The following FKTN variants were observed in gnomAD, a reference collection of about 807,000 sequenced individuals.
FKTN encodes the protein fukutin.
In FKTN, 47 loss-of-function variants were observed where a neutral mutation model predicts 58.6. The observed-to-expected ratio is 0.80, with a 90% CI of 0.63 to 1.02. The LOEUF (loss-of-function observed/expected upper bound fraction) is 1.02, where lower values mean the gene tolerates loss of function less well. Ranked by LOEUF, FKTN falls within the 50% of genes least tolerant of loss-of-function variation. FKTN has a pLI of 0.00. For missense variants in FKTN, 516 were observed against 537.3 expected, an observed-to-expected ratio of 0.96 and a Z score of 0.39; for synonymous variants, 178 against 191.9, an observed-to-expected ratio of 0.93 and a Z score of 0.60.
At chr9:105,584,376 A>G (rs1367074574) in intron 3 of FKTN, among the ~76,000 whole-genome samples, 2 of 152,136 alleles carry the variant, frequency 1.3e-5, no homozygotes, top group African/African-American at 2.4e-5. Context: ...CAGAAGTGGT[A>G]TGTAATTAAA....
intron 3 of FKTN, among the ~76,000 whole-genome samples, chr9:105,593,789 G>A (rs1845333796): frequency 6.6e-6 from 1 of 152,108 alleles, no homozygotes; most frequent in African/African-American, 2.4e-5. Flanking sequence ...AACAATTCTT[G>A]GTATATCAAA....
intron 6 of FKTN, among the ~76,000 whole-genome samples, chr9:105,606,583 A>G (rs940240175): frequency 7.9e-5 from 12 of 151,652 alleles, no homozygotes; most frequent in African/African-American, 2.9e-4. Context: ...AAGGATTTTC[A>G]CATTAAAAAC....
At chr9:105,598,090 G>C in intron 4 of FKTN, 1 of 462,624 alleles carries the variant, frequency 2.2e-6, no homozygotes, top group Non-Finnish European at 4.5e-6. Context: ...TTCAAGAAAT[G>C]ATCCTTGAGG....
intron 7 of FKTN, among the ~76,000 whole-genome samples, chr9:105,611,681 C>G (rs766873162): frequency 2.0e-5 from 3 of 152,096 alleles, no homozygotes; most frequent in South Asian, 2.1e-4. Flanking sequence ...TGATCTTGTT[C>G]TTTTTTATGG....
At chr9:105,624,782 A>T (rs917161080) in intron 10 of FKTN, among the ~76,000 whole-genome samples, 1 of 152,090 alleles carries the variant, frequency 6.6e-6, no homozygotes, top group Admixed American at 6.6e-5. Flanking sequence ...ATGTCTTGTT[A>T]TAGGTGTTTG....
intron 3 of FKTN, among the ~76,000 whole-genome samples, chr9:105,591,598 C>G (rs949650153): frequency 5.9e-5 from 9 of 152,176 alleles, no homozygotes; most frequent in African/African-American, 2.2e-4. Context: ...CACAACTGCT[C>G]TCATGGGCTG....
chr9:105,615,377 C>T lies in FKTN; in HGVS notation c.880C>T (p.Pro294Ser), dbSNP rs1356938119. The change falls in exon 8 of 11, where the codon CCA (proline) becomes TCA (serine). Residue 294 changes from proline (P) to serine (S), a missense_variant. Coordinates refer to ENST00000357998, the MANE Select transcript of FKTN (RefSeq NM_001079802.2). ...GAAAACATTAAACAAATTGGGAGTACCATTCTGGCTGAGCAGTGGAACTTG... is the reference window on the plus strand; with the variant it reads ...GAAAACATTAAACAAATTGGGAGTATCATTCTGGCTGAGCAGTGGAACTTG... Reference protein sequence around the residue: ...AAKTLNKLGVPFWLSSGTCLG... With the variant: ...AAKTLNKLGVSFWLSSGTCLG... 1 of 1,613,946 alleles carries T rather than the reference C, an allele frequency of 6.2e-7. No individual in the cohort carries two copies. The highest frequency in any genetic ancestry group is 1.1e-5 in the South Asian group (1 of 91,074).
intron 10 of FKTN, among the ~76,000 whole-genome samples, chr9:105,630,456 A>G (rs922981399): frequency 6.6e-6 from 1 of 152,194 alleles, no homozygotes; most frequent in African/African-American, 2.4e-5. Flanking sequence ...TTTCCCTACC[A>G]GAGTATACTA....
rs193137843 is a variant in FKTN, at chr9:105,617,539, A to G, written c.911-420A>G. On this transcript the variant is annotated intron_variant, in intron 8 of 10. Transcript: ENST00000357998. ...TAGAGATTAATGATTAAACATTCTT[A>G]TCAGCAACTTAGTGTTATTAAAGCT... Among the ~76,000 whole-genome samples the G allele has an allele frequency of 7.2e-5, 11 of 152,334 alleles. No individual in the cohort carries two copies. The South Asian group carries it at 8.3e-4, about 11-fold the overall frequency.
intron 9 of FKTN, among the ~76,000 whole-genome samples, chr9:105,619,680 A>G (rs1831503774): frequency 1.3e-5 from 2 of 152,148 alleles, no homozygotes; most frequent in Non-Finnish European, 2.9e-5. Flanking sequence ...GATAATTACC[A>G]TAAGTCATTT....
intron 3 of FKTN, 96 bp downstream of exon 3, chr9:105,575,233 G>A: frequency 1.3e-6 from 1 of 787,510 alleles, no homozygotes; most frequent in Non-Finnish European, 2.2e-6. Flanking sequence ...TTAATCATGG[G>A]TATTCAAATT....
intron 3 of FKTN, among the ~76,000 whole-genome samples, chr9:105,594,313 G>A (rs1258113121): frequency 6.6e-6 from 1 of 152,164 alleles, no homozygotes; most frequent in Non-Finnish European, 1.5e-5. Flanking sequence ...GAAATAGAAA[G>A]CAATGCCATA....
intron 10 of FKTN, among the ~76,000 whole-genome samples, chr9:105,628,550 A>T (rs1372507654): frequency 1.3e-5 from 2 of 152,184 alleles, no homozygotes; most frequent in East Asian, 3.8e-4. Flanking sequence ...TAATTCTATA[A>T]GATATTATAT....
chr9:105,594,236 T>G (rs1401173458), intron 3 of FKTN, among the ~76,000 whole-genome samples: 1 of 152,186 alleles, frequency 6.6e-6, no homozygotes. Flanking sequence ...ATATAATTCT[T>G]GTACAGTAGG....
chr9:105,575,399 T>A (rs184068992), intron 3 of FKTN, among the ~76,000 whole-genome samples: 1 of 152,344 alleles, frequency 6.6e-6, no homozygotes, highest in East Asian at 1.9e-4. Flanking sequence ...AAACAGATTA[T>A]CCTTCATTTA....
At chr9:105,633,393 G>A (rs1255749082) in intron 10 of FKTN, 1 of 152,108 alleles carries the variant, frequency 6.6e-6, no homozygotes, top group Non-Finnish European at 1.5e-5. Flanking sequence ...ACTTAGAGGA[G>A]TTTCCTGGCC....
chr9:105,574,958 CT>C lies in FKTN; in HGVS notation c.-73del. ...TTTTGTTCACAGAAAACAAAATTAT[CT>C]TCCTTTCCAAATCCAAAAAGATGAA... On this transcript the variant is annotated 5_prime_UTR_variant, in exon 3 of 11. Coordinates refer to ENST00000357998, the MANE Select transcript of FKTN (RefSeq NM_001079802.2). The C allele has an allele frequency of 2.3e-6, 2 of 857,912 alleles. No individual in the cohort carries two copies. The highest frequency in any genetic ancestry group is 4.0e-6 in the Non-Finnish European group (2 of 493,952). The allele number at this position is 857,912 out of a possible 1,614,324, so 53.1% of individuals were successfully genotyped here.
At chr9:105,570,306 G>A (rs1160843087) in intron 1 of FKTN, among the ~76,000 whole-genome samples, 2 of 152,110 alleles carry the variant, frequency 1.3e-5, no homozygotes, top group Admixed American at 1.3e-4. Context: ...TTTTAGGCTG[G>A]TGGGGAAGAT....
chr9:105,589,485 G>C (rs1844471201), intron 3 of FKTN, among the ~76,000 whole-genome samples: 1 of 148,330 alleles, frequency 6.7e-6, no homozygotes, highest in African/African-American at 2.5e-5. Flanking sequence ...CTGGGTGACA[G>C]AATGAGACTC....
Sources: allele counts gnomAD v4.1 joint callset (sites outside exome capture counted in the v4.1 genomes callset), GRCh38; gene constraint gnomAD v4.1.1; transcripts MANE v1.5; gene names NCBI Gene and HGNC (gene_info 2026-07-23, HGNC 2026-07-21).